PALM2AKAP2: variants seen among roughly 807,000 people sequenced by gnomAD.
PALM2AKAP2 encodes PALM2-AKAP2 fusion protein.
A neutral mutation model predicts 71.5 loss-of-function variants in PALM2AKAP2; 37 were observed. That is an observed-to-expected ratio of 0.52 (90% CI 0.40 to 0.68). The LOEUF is 0.68. Among genes scored for constraint, PALM2AKAP2 ranks in the 30% least tolerant of loss-of-function variants. The probability of loss-of-function intolerance (pLI) is 0.00; values close to 1 mark genes in which losing one functional copy is unlikely to be tolerated. For missense variants in PALM2AKAP2, 1,224 were observed against 1,191.8 expected (o/e 1.03, Z -0.40); for synonymous variants, 468 against 478.8 (o/e 0.98, Z 0.29).
At chr9:110,045,498 C>G (rs553389034), upstream of PALM2AKAP2, among the ~76,000 whole-genome samples, 1 of 152,220 alleles carries the variant, frequency 6.6e-6, no homozygotes, top group East Asian at 1.9e-4. Context: ...GAGCTGTTAA[C>G]GCAGTTTCCT....
chr9:109,747,014 G>T (rs1828813352), intron 1 of PALM2AKAP2, among the ~76,000 whole-genome samples: 1 of 152,234 alleles, frequency 6.6e-6, no homozygotes, highest in Non-Finnish European at 1.5e-5. Context: ...GTATGGGTAA[G>T]AGGGTTGGAG....
chr9:109,943,205 A>C, intron 6 of PALM2AKAP2: 1 of 1,614,222 alleles, frequency 6.2e-7, no homozygotes, highest in Non-Finnish European at 8.5e-7. Context: ...ATCAAGGCTG[A>C]ATTGGTCCTC....
At chr9:110,150,622 A>G (rs1836287256) in intron 2 of PALM2AKAP2, among the ~76,000 whole-genome samples, 1 of 152,198 alleles carries the variant, frequency 6.6e-6, no homozygotes, top group East Asian at 1.9e-4. Context: ...AAAGCAACGT[A>G]TTACAGGTTT....
chr9:110,100,309 C>T (rs551956276), intron 1 of PALM2AKAP2, among the ~76,000 whole-genome samples: 2 of 152,178 alleles, frequency 1.3e-5, no homozygotes, highest in South Asian at 2.1e-4. Flanking sequence ...CAGCAACCCC[C>T]TGCACTTCTA....
intron 1 of PALM2AKAP2, among the ~76,000 whole-genome samples, chr9:109,765,165 T>G (rs74323819): frequency 6.6e-4 from 100 of 152,348 alleles, no homozygotes; most frequent in African/African-American, 2.4e-3. Context: ...TCCATAAGTT[T>G]AAAATGTGGA....
chr9:109,853,224 G>A (rs972245932), intron 1 of PALM2AKAP2, among the ~76,000 whole-genome samples: 52 of 152,202 alleles, frequency 3.4e-4, no homozygotes, highest in African/African-American at 1.2e-3. Flanking sequence ...TCAGAACTGC[G>A]CGTGGCACCT....
intron 6 of PALM2AKAP2, among the ~76,000 whole-genome samples, chr9:110,012,169 T>C (rs1832896658): frequency 6.6e-6 from 1 of 152,042 alleles, no homozygotes; most frequent in Admixed American, 6.6e-5. Flanking sequence ...GGCGGGTGCC[T>C]GTAATCCCAG....
rs1380350471 is a variant in PALM2AKAP2 at position 110,023,199 on chromosome 9, T to TGTAAAA, written c.582+7163_582+7168dup. Among the ~76,000 whole-genome samples the TGTAAAA allele has an allele frequency of 5.3e-5, 8 of 151,690 alleles. No individual in the cohort carries two copies. In the East Asian group the frequency reaches 1.5e-3, roughly 29 times the overall value. ...AACTAGTTTACAGTCCCACCAACAG[T>TGTAAAA]GTAAAAGTGTTCCTATTTCTCCACA... On this transcript the variant is annotated intron_variant, in intron 7 of 9. Coordinates refer to the PALM2AKAP2 transcript ENST00000302798.
At chr9:109,735,674 A>G (rs1587888086) in intron 1 of PALM2AKAP2, among the ~76,000 whole-genome samples, 1 of 152,182 alleles carries the variant, frequency 6.6e-6, no homozygotes, top group East Asian at 1.9e-4. Context: ...AAGGAGCTTT[A>G]TGTGCCCAGA....
intron 1 of PALM2AKAP2, among the ~76,000 whole-genome samples, chr9:110,095,385 A>G (rs1226401599): frequency 6.6e-6 from 1 of 152,150 alleles, no homozygotes; most frequent in Non-Finnish European, 1.5e-5. Context: ...TGCTTTGCAC[A>G]ATCTTGCTAG....
intron 6 of PALM2AKAP2, among the ~76,000 whole-genome samples, chr9:109,960,568 A>G (rs557504182): frequency 6.6e-6 from 1 of 152,330 alleles, no homozygotes; most frequent in Non-Finnish European, 1.5e-5. Flanking sequence ...GCTTGAGCAC[A>G]GGAATTTAAG....
Position 110,057,094 on chromosome 9 carries a change from G to A in PALM2AKAP2, c.156+8239G>A, listed in dbSNP as rs573623548. Among the ~76,000 whole-genome samples the A allele has an allele frequency of 9.2e-5, 14 of 152,214 alleles. No individual in the cohort carries two copies. The East Asian group carries it at 2.7e-3, about 29-fold the overall frequency. On this transcript the variant is annotated intron_variant, in intron 1 of 3. Transcript: ENST00000374525. ...ATGGTAGGAGGAGCTAAGTGGGAGG[G>A]AATTAATATTTCTTGAGTGTCGGCT...
chr9:109,933,561 G>T (rs1424942352), intron 6 of PALM2AKAP2, among the ~76,000 whole-genome samples: 1 of 152,192 alleles, frequency 6.6e-6, no homozygotes, highest in African/African-American at 2.4e-5. Context: ...AGAGTTTAAA[G>T]TTCAAGAGTA....
At chr9:109,767,521 C>A (rs771154618) in intron 1 of PALM2AKAP2, among the ~76,000 whole-genome samples, 1 of 152,198 alleles carries the variant, frequency 6.6e-6, no homozygotes, top group Non-Finnish European at 1.5e-5. Context: ...CTGCCTCATC[C>A]CTGGCAGCTG....
chr9:109,754,863 C>T (rs1455152588), intron 1 of PALM2AKAP2, among the ~76,000 whole-genome samples: 3 of 152,084 alleles, frequency 2.0e-5, no homozygotes, highest in South Asian at 2.1e-4. Flanking sequence ...TTTCCACATA[C>T]GAATGTTGGG....
At chr9:109,734,819 A>G (rs529576041) in intron 1 of PALM2AKAP2, among the ~76,000 whole-genome samples, 1 of 152,176 alleles carries the variant, frequency 6.6e-6, no homozygotes, top group African/African-American at 2.4e-5. Flanking sequence ...GGCCAAAAGC[A>G]TTTGCAGCAC....
At chr9:109,812,793 T>A (rs1827758673) in intron 1 of PALM2AKAP2, among the ~76,000 whole-genome samples, 1 of 152,214 alleles carries the variant, frequency 6.6e-6, no homozygotes, top group African/African-American at 2.4e-5. Flanking sequence ...CCATTAGTCC[T>A]GATTCTGATC....
upstream of PALM2AKAP2, among the ~76,000 whole-genome samples, chr9:109,780,077 G>A (rs1372472757): frequency 1.3e-5 from 2 of 151,136 alleles, no homozygotes; most frequent in South Asian, 2.1e-4. Flanking sequence ...GGCGGCGATC[G>A]CTCGGAGCCG....
chr9:109,884,418 T>G (rs1230787970), intron 3 of PALM2AKAP2, among the ~76,000 whole-genome samples: 1 of 152,072 alleles, frequency 6.6e-6, no homozygotes, highest in Non-Finnish European at 1.5e-5. Context: ...GCTGAGATCA[T>G]GCCACTGCAC....
Sources: gnomAD v4.1 joint callset for allele counts (sites outside exome capture counted in the v4.1 genomes callset) on GRCh38, gnomAD v4.1.1 for gene constraint, MANE v1.5 for transcripts, NCBI Gene and HGNC (gene_info 2026-07-23, HGNC 2026-07-21) for gene names.